The following VPS50 variants were observed in gnomAD, a reference collection of about 807,000 sequenced individuals.
The protein encoded by VPS50 is syndetin.
In VPS50, 70 loss-of-function variants were observed where a neutral mutation model predicts 139.7. The observed-to-expected ratio is 0.50, with a 90% CI of 0.41 to 0.61. The LOEUF (loss-of-function observed/expected upper bound fraction) is 0.61, where lower values mean the gene tolerates loss of function less well. Among genes scored for constraint, VPS50 ranks in the 20% least tolerant of loss-of-function variants. VPS50 has a pLI of 0.00. For missense variants in VPS50, 921 were observed against 1,133.7 expected (o/e 0.81, Z 2.69); for synonymous variants, 365 against 376.7 (o/e 0.97, Z 0.36).
At chr7:93,278,590 CAAA>C (rs11445569) in intron 12 of VPS50, among the ~76,000 whole-genome samples, 13 of 67,984 alleles carry the variant, frequency 1.9e-4, no homozygotes, top group African/African-American at 5.1e-4. Flanking sequence ...GACTCTGTCT[CAAA>C]AAAAAAAAAA....
intron 22 of VPS50, chr7:93,340,532 A>T (rs1465451200): frequency 6.6e-6 from 1 of 152,132 alleles, no homozygotes. Context: ...CTTGCTATGT[A>T]TTGAGAAGTT....
chr7:93,255,108 G>C (rs1315167851), intron 4 of VPS50, among the ~76,000 whole-genome samples: 1 of 151,922 alleles, frequency 6.6e-6, no homozygotes, highest in Non-Finnish European at 1.5e-5. Flanking sequence ...GGTAGGGATG[G>C]TTTCAGAATG....
intron 23 of VPS50, among the ~76,000 whole-genome samples, chr7:93,347,143 A>G (rs1230043338): frequency 2.0e-5 from 3 of 148,460 alleles, no homozygotes; most frequent in Non-Finnish European, 4.4e-5. Flanking sequence ...AAAACAAACA[A>G]CCCCATCAAA....
intron 27 of VPS50, 71 bp from the exon 28 acceptor site, chr7:93,358,246 T>A: frequency 1.4e-6 from 2 of 1,394,930 alleles, no homozygotes; most frequent in Non-Finnish European, 2.0e-6. Context: ...AATATCCGCC[T>A]GTTCTTTTGT....
chr7:93,341,698 T>C, intron 23 of VPS50, 123 bp downstream of exon 23: 1 of 575,128 alleles, frequency 1.7e-6, no homozygotes, highest in Non-Finnish European at 3.0e-6. Flanking sequence ...CACTTATATG[T>C]TTCTGAGAAG....
intron 9 of VPS50, among the ~76,000 whole-genome samples, chr7:93,263,477 A>C (rs1280499887): frequency 1.3e-5 from 2 of 152,200 alleles, no homozygotes; most frequent in East Asian, 3.8e-4. Flanking sequence ...TTATATGCAC[A>C]GTATACCTAC....
chr7:93,302,921 T>C (rs1797019451), intron 16 of VPS50, among the ~76,000 whole-genome samples: 1 of 152,074 alleles, frequency 6.6e-6, no homozygotes, highest in South Asian at 2.1e-4. Context: ...ATGTCAAGTA[T>C]ATACGTGTCT....
rs372224053 is a variant in VPS50, at chr7:93,248,587, TTTTCC to T, written c.103-4057_103-4053del. On this transcript the variant is annotated intron_variant, in intron 2 of 27. Coordinates refer to ENST00000305866, the MANE Select transcript of VPS50 (RefSeq NM_017667.4). Reference sequence around the variant, plus strand: ...ACTATTGAAACAAGAGCATATTGTCTTTTCCTTTCCTTTTGTCTTATATTCATTTT... The same window carrying T: ...ACTATTGAAACAAGAGCATATTGTCTTTTCCTTTTGTCTTATATTCATTTT... Among the ~76,000 whole-genome samples, 1,442 of 152,254 alleles carry T rather than the reference TTTTCC, an allele frequency of 9.5e-3. 15 individuals carry two copies. The highest frequency in any genetic ancestry group is 0.027 in the South Asian group (129 of 4,830).
chr7:93,319,433 A>AG (rs1316831389), intron 20 of VPS50, among the ~76,000 whole-genome samples: 4 of 152,150 alleles, frequency 2.6e-5, no homozygotes, highest in Non-Finnish European at 5.9e-5. Context: ...GCTGATGAGA[A>AG]GTAAATGTTT....
chr7:93,232,645 C>G, intron 1 of VPS50, 145 bp downstream of exon 1: 6 of 722,094 alleles, frequency 8.3e-6, no homozygotes, highest in Non-Finnish European at 1.2e-5. Context: ...GGGGCATACC[C>G]TAGAAAACTC....
intron 21 of VPS50, among the ~76,000 whole-genome samples, chr7:93,323,994 A>T (rs1269999696): frequency 6.6e-6 from 1 of 152,226 alleles, no homozygotes; most frequent in Non-Finnish European, 1.5e-5. Context: ...ATATTTTGGC[A>T]ATGAAAAATG....
At chr7:93,342,983 G>A (rs1213343706) in intron 23 of VPS50, among the ~76,000 whole-genome samples, 3 of 152,214 alleles carry the variant, frequency 2.0e-5, no homozygotes, top group African/African-American at 7.2e-5. Context: ...GCTGGACGGA[G>A]AATGACTTTG....
intron 21 of VPS50, among the ~76,000 whole-genome samples, chr7:93,326,998 TATTA>T (rs1797801082): frequency 6.6e-6 from 1 of 152,180 alleles, no homozygotes; most frequent in Admixed American, 6.5e-5. Context: ...ATAAAGTATG[TATTA>T]ATTCATCACC....
chr7:93,330,508 C>T (rs758073082), intron 21 of VPS50, among the ~76,000 whole-genome samples: 8 of 152,186 alleles, frequency 5.3e-5, no homozygotes, highest in Non-Finnish European at 1.0e-4. Context: ...AATCCCAGCA[C>T]TTTGGGAGGC....
At chr7:93,341,182 C>CTT (rs1798199225) in intron 22 of VPS50, among the ~76,000 whole-genome samples, 1 of 140,680 alleles carries the variant, frequency 7.1e-6, no homozygotes, top group Non-Finnish European at 1.5e-5. Flanking sequence ...TGTTGACAGA[C>CTT]TTTAGGTCAT....
At chr7:93,292,305 AATG>A (rs1796671269) in intron 13 of VPS50, among the ~76,000 whole-genome samples, 3 of 152,092 alleles carry the variant, frequency 2.0e-5, no homozygotes, top group African/African-American at 7.2e-5. Flanking sequence ...TCATTTTCAA[AATG>A]ATGTTTTAAA....
intron 10 of VPS50, among the ~76,000 whole-genome samples, chr7:93,271,833 G>C (rs754241245): frequency 6.6e-6 from 1 of 151,696 alleles, no homozygotes; most frequent in Non-Finnish European, 1.5e-5. Flanking sequence ...AGAATTATTT[G>C]TATTTGGTTT....
At chr7:93,306,126 A>G in intron 18 of VPS50, 122 bp downstream of exon 18, 2 of 682,324 alleles carry the variant, frequency 2.9e-6, no homozygotes, top group Non-Finnish European at 5.2e-6. Flanking sequence ...CTGTATACTT[A>G]ATGTACCTAT....
chr7:93,297,248 G>A lies in VPS50; in HGVS notation c.1361+5G>A. On this transcript the variant is annotated splice_donor_5th_base_variant and intron_variant, in intron 16 of 27. Transcript: ENST00000305866. ...TTATTTCAAGAATTACCATAGGTAA[G>A]AACTCTAATAAGATATGAATCGACT... 1.3e-6 allele frequency: 2 copies of A among 1,538,516 alleles called. No homozygotes were observed. Among genetic ancestry groups the A allele is most frequent in the Non-Finnish European group, 1.7e-6 (2 of 1,155,548 alleles).
Sources: allele counts gnomAD v4.1 joint callset (sites outside exome capture counted in the v4.1 genomes callset), GRCh38; gene constraint gnomAD v4.1.1; transcripts MANE v1.5; gene names NCBI Gene and HGNC (gene_info 2026-07-23, HGNC 2026-07-21).